SIK3: variants seen among roughly 807,000 people sequenced by gnomAD.
The protein encoded by SIK3 is SIK family kinase 3.
SIK3 carries 28 observed loss-of-function variants against 144.2 expected under a neutral mutation model. The observed-to-expected ratio is 0.19, with a 90% CI of 0.14 to 0.27. SIK3 has a LOEUF of 0.27. SIK3 is among the 10% of genes least tolerant of loss of function. The pLI, the probability that SIK3 is intolerant of heterozygous loss-of-function variation, is 1.00. For synonymous variants in SIK3, 686 were observed against 676.3 expected (o/e 1.01, Z -0.22); for missense variants, 1,319 against 1,776.0 (o/e 0.74, Z 4.62).
At chr11:116,901,942 T>C (rs1357352316) in intron 4 of SIK3, among the ~76,000 whole-genome samples, 1 of 152,234 alleles carries the variant, frequency 6.6e-6, no homozygotes, top group Non-Finnish European at 1.5e-5. Flanking sequence ...TTCAGCAAAG[T>C]TGACGTCTCT....
At chr11:116,901,510 G>A (rs1157291917) in intron 4 of SIK3, among the ~76,000 whole-genome samples, 1 of 152,172 alleles carries the variant, frequency 6.6e-6, no homozygotes, top group Admixed American at 6.5e-5. Context: ...TCTATGAGAA[G>A]ATGAATACTC....
intron 1 of SIK3, among the ~76,000 whole-genome samples, chr11:116,982,950 A>C (rs1950199197): frequency 9.2e-6 from 1 of 108,870 alleles, no homozygotes; most frequent in African/African-American, 3.6e-5. Context: ...TCTCAAAAAA[A>C]AAAAAAAAAA....
chr11:117,062,038 A>T (rs1053993777), intron 1 of SIK3, among the ~76,000 whole-genome samples: 12 of 152,068 alleles, frequency 7.9e-5, no homozygotes, highest in Admixed American at 3.3e-4. Context: ...TAAATAAAAA[A>T]GTCAAGCCAG....
At chr11:117,086,215 G>C (rs1051200888) in intron 1 of SIK3, among the ~76,000 whole-genome samples, 2 of 152,112 alleles carry the variant, frequency 1.3e-5, no homozygotes, top group African/African-American at 2.4e-5. Flanking sequence ...AACCCATAAA[G>C]TACAATGCAC....
At chr11:116,863,055 C>T (rs1221829512) in intron 16 of SIK3, among the ~76,000 whole-genome samples, 1 of 146,468 alleles carries the variant, frequency 6.8e-6, no homozygotes, top group African/African-American at 2.5e-5. Flanking sequence ...GCCTGGGTGA[C>T]AGAGCAAGAC....
chr11:116,854,522 T>G (rs780083832), intron 21 of SIK3, among the ~76,000 whole-genome samples: 4 of 152,176 alleles, frequency 2.6e-5, no homozygotes, highest in African/African-American at 4.8e-5. Flanking sequence ...CATCCCCTAG[T>G]AGAGTAGAAG....
rs11300316 is a variant in SIK3 at position 117,032,674 on chromosome 11, C to CT, written c.273+65468dup. On this transcript the variant is annotated intron_variant, in intron 1 of 24. Transcript: ENST00000445177. ...ACACGCATCACCACACCCACCTTTT[C>CT]TTTTTTTTTTTTTTTTAAAAGAGAT... 7.0e-3 allele frequency among the ~76,000 whole-genome samples: 979 copies of CT among 139,888 alleles called. 4 individuals carry two copies. Among genetic ancestry groups the CT allele is most frequent in the South Asian group, 0.024 (108 of 4,518 alleles). The allele number at this position is 139,888 out of a possible 152,430, so 91.8% of individuals were successfully genotyped here. A position where few individuals can be genotyped will look rare whatever the true frequency, so the allele number is the denominator to read the frequency against.
chr11:117,095,592 G>A (rs1955440754), intron 1 of SIK3, among the ~76,000 whole-genome samples: 3 of 152,136 alleles, frequency 2.0e-5, no homozygotes, highest in Admixed American at 6.5e-5. Context: ...AACCTTAATA[G>A]GCCATCGTAC....
chr11:117,059,456 T>C (rs1953699866), intron 1 of SIK3, among the ~76,000 whole-genome samples: 1 of 152,220 alleles, frequency 6.6e-6, no homozygotes, highest in South Asian at 2.1e-4. Context: ...TGAATAGCCA[T>C]TCCTGACAAA....
chr11:116,975,343 A>T (rs79644400), intron 1 of SIK3, among the ~76,000 whole-genome samples: 6,760 of 151,824 alleles, frequency 0.045, 501 homozygotes, highest in African/African-American at 0.16. Context: ...ATACCTGTTT[A>T]GCTGTCACTC....
At chr11:116,918,359 G>A (rs1342735346) in intron 4 of SIK3, among the ~76,000 whole-genome samples, 4 of 151,844 alleles carry the variant, frequency 2.6e-5, no homozygotes, top group African/African-American at 9.7e-5. Context: ...CAAGCTTTTG[G>A]GCTCAGGCTT....
chr11:116,992,100 G>C (rs1385594459), intron 1 of SIK3, among the ~76,000 whole-genome samples: 1 of 152,108 alleles, frequency 6.6e-6, no homozygotes, highest in African/African-American at 2.4e-5. Flanking sequence ...AAAGCGGGCA[G>C]AACACTTGAG....
At chr11:117,096,128 C>T (rs1955462036) in intron 1 of SIK3, among the ~76,000 whole-genome samples, 1 of 152,196 alleles carries the variant, frequency 6.6e-6, no homozygotes, top group African/African-American at 2.4e-5. Context: ...TAGGCACTGG[C>T]TTTGCTGACT....
At chr11:116,944,449 C>G (rs1016399718) in intron 3 of SIK3, among the ~76,000 whole-genome samples, 9 of 129,364 alleles carry the variant, frequency 7.0e-5, no homozygotes, top group Non-Finnish European at 1.5e-4. Context: ...CCGAGACACA[C>G]AGATCAATCA....
chr11:116,957,987 ACTAAAT>A (rs1368973707), intron 1 of SIK3, among the ~76,000 whole-genome samples: 4 of 152,320 alleles, frequency 2.6e-5, no homozygotes, highest in Non-Finnish European at 5.9e-5. Flanking sequence ...TTAAAAATTT[ACTAAAT>A]CTAAACTTCC....
intron 6 of SIK3, among the ~76,000 whole-genome samples, chr11:116,891,316 C>CA (rs893008266): frequency 8.6e-5 from 13 of 151,520 alleles, no homozygotes; most frequent in Admixed American, 2.0e-4. Flanking sequence ...GACTCCGTCT[C>CA]AAAAAAAAGT....
chr11:116,953,203 G>A (rs1015064196), intron 3 of SIK3, among the ~76,000 whole-genome samples: 1 of 152,076 alleles, frequency 6.6e-6, no homozygotes, highest in Non-Finnish European at 1.5e-5. Context: ...ATTTTATCGT[G>A]CAGGAAGGAG....
At chr11:116,872,041 C>T (rs916654424) in intron 13 of SIK3, among the ~76,000 whole-genome samples, 4 of 151,922 alleles carry the variant, frequency 2.6e-5, no homozygotes, top group African/African-American at 9.7e-5. Flanking sequence ...CATCAAAGGA[C>T]ATGGGAATAG....
chr11:116,853,929 A>G (rs1241407039), intron 21 of SIK3, among the ~76,000 whole-genome samples: 2 of 152,222 alleles, frequency 1.3e-5, no homozygotes, highest in Non-Finnish European at 2.9e-5. Context: ...CACTTCTACA[A>G]ATTGGGAAGA....
Sources: allele counts gnomAD v4.1 joint callset (sites outside exome capture counted in the v4.1 genomes callset), GRCh38; gene constraint gnomAD v4.1.1; transcripts MANE v1.5; gene names NCBI Gene and HGNC (gene_info 2026-07-23, HGNC 2026-07-21).